Variants in CSMD1 observed in about 807,000 individuals in gnomAD.
CSMD1 encodes the protein CUB and sushi domain-containing protein 1.
A neutral mutation model predicts 417.5 loss-of-function variants in CSMD1; 213 were observed. The observed-to-expected ratio is 0.51, with a 90% CI of 0.46 to 0.57. The LOEUF is 0.57. CSMD1 is among the 20% of genes least tolerant of loss of function. CSMD1 has a pLI of 0.00. For synonymous variants in CSMD1, 2,862 were observed against 1,736.8 expected, an observed-to-expected ratio of 1.65 and a Z score of -16.11; for missense variants, 6,923 against 4,529.7, an observed-to-expected ratio of 1.53 and a Z score of -15.17.
chr8:3,024,370 A>C (rs930944358), intron 51 of CSMD1, among the ~76,000 whole-genome samples: 2 of 151,134 alleles, frequency 1.3e-5, no homozygotes, highest in Non-Finnish European at 2.9e-5. Context: ...CAGTGATGGG[A>C]CCTCAGCTCG....
chr8:4,646,600 G>C (rs1483526033), intron 1 of CSMD1, among the ~76,000 whole-genome samples: 6 of 152,196 alleles, frequency 3.9e-5, no homozygotes, highest in African/African-American at 1.4e-4. Flanking sequence ...TTTCTGTGTA[G>C]ATATATGAGT....
Position 3,557,976 on chromosome 8 carries a change from T to C in CSMD1, c.1344+16969A>G, listed in dbSNP as rs140568537. Among the ~76,000 whole-genome samples, 300 of 152,260 alleles carry C rather than the reference T, an allele frequency of 2.0e-3. 1 individual carries two copies. The highest frequency in any genetic ancestry group is 6.9e-3 in the African/African-American group (286 of 41,558). On this transcript the variant is annotated intron_variant, in intron 10 of 69. Coordinates refer to ENST00000635120, the MANE Select transcript of CSMD1 (RefSeq NM_033225.6). ...GGAATGTGTGCTACTACTCCAATGATGAATGGTGCCTCAGTGGTACCCTGT... is the reference window on the plus strand; with the variant it reads ...GGAATGTGTGCTACTACTCCAATGACGAATGGTGCCTCAGTGGTACCCTGT...
chr8:3,950,597 C>G (rs1811535807), intron 5 of CSMD1, among the ~76,000 whole-genome samples: 1 of 152,172 alleles, frequency 6.6e-6, no homozygotes, highest in South Asian at 2.1e-4. Context: ...AATATGAAAC[C>G]ACCATTAAGT....
chr8:3,262,299 G>A (rs1160386041), intron 26 of CSMD1, among the ~76,000 whole-genome samples: 1 of 144,410 alleles, frequency 6.9e-6, no homozygotes, highest in South Asian at 2.2e-4. Context: ...CAGAAGTCAT[G>A]TATTTCTGAA....
intron 5 of CSMD1, among the ~76,000 whole-genome samples, chr8:3,810,974 T>C (rs568675094): frequency 2.6e-5 from 4 of 152,206 alleles, no homozygotes; most frequent in Admixed American, 1.3e-4. Context: ...TTAATATAAG[T>C]ACAAGTACTT....
intron 26 of CSMD1, among the ~76,000 whole-genome samples, chr8:3,245,294 C>A (rs947949577): frequency 1.3e-5 from 2 of 152,156 alleles, no homozygotes; most frequent in Non-Finnish European, 2.9e-5. Flanking sequence ...ACCTCCAGTT[C>A]CTTCCGGTAC....
chr8:3,277,310 A>C (rs557590219), intron 26 of CSMD1, among the ~76,000 whole-genome samples: 100 of 152,278 alleles, frequency 6.6e-4, no homozygotes, highest in African/African-American at 2.3e-3. Context: ...GGCGTTGCCC[A>C]CGTTGCTGCG....
intron 21 of CSMD1, among the ~76,000 whole-genome samples, chr8:3,353,801 A>G (rs992907086): frequency 1.6e-4 from 24 of 152,382 alleles, no homozygotes; most frequent in African/African-American, 5.0e-4. Context: ...TGTTTTATAA[A>G]AAAGCTACTG....
chr8:4,353,949 A>T (rs1801247669), intron 3 of CSMD1, among the ~76,000 whole-genome samples: 1 of 152,178 alleles, frequency 6.6e-6, no homozygotes, highest in African/African-American at 2.4e-5. Flanking sequence ...AGGGAACTTC[A>T]TCAGCCCTCT....
intron 1 of CSMD1, among the ~76,000 whole-genome samples, chr8:4,950,474 G>C (rs1808667988): frequency 6.6e-6 from 1 of 152,020 alleles, no homozygotes; most frequent in Non-Finnish European, 1.5e-5. Context: ...CTGCAAAATA[G>C]GATAAGAAAT....
At chr8:3,860,206 G>A (rs937926706) in intron 5 of CSMD1, among the ~76,000 whole-genome samples, 1 of 152,086 alleles carries the variant, frequency 6.6e-6, no homozygotes, top group African/African-American at 2.4e-5. Flanking sequence ...ATGAAAGTAG[G>A]AACAGCACCA....
At position 3,091,425 on chromosome 8, in the gene CSMD1, A is replaced by G. The variant is rs572696476; in HGVS notation, c.7285+91T>C. 19 of 924,394 alleles carry G rather than the reference A, an allele frequency of 2.1e-5. 1 individual carries two copies. The African/African-American group carries it at 3.2e-4, about 16-fold the overall frequency. 57.3% of individuals were successfully genotyped at this position (924,394 alleles called of 1,614,324 possible). A position where few individuals can be genotyped will look rare whatever the true frequency, so the allele number is the denominator to read the frequency against. On this transcript the variant is annotated intron_variant, in intron 48 of 69. Coordinates refer to ENST00000635120, the MANE Select transcript of CSMD1 (RefSeq NM_033225.6). Reference sequence around the variant, plus strand: ...TTATTAATCTTTAAGAATTAGGATTATACTATAAATTTCTATTTAAATTGT... The same window carrying G: ...TTATTAATCTTTAAGAATTAGGATTGTACTATAAATTTCTATTTAAATTGT...
intron 30 of CSMD1, among the ~76,000 whole-genome samples, chr8:3,210,697 C>T (rs1026192551): frequency 2.7e-5 from 4 of 148,574 alleles, no homozygotes; most frequent in African/African-American, 7.4e-5. Flanking sequence ...TGTATATACA[C>T]TATATATATA....
rs750152499 is a variant in CSMD1, at chr8:3,308,731, A to AATT, written c.3632-229_3632-228insAAT. On this transcript the variant is annotated intron_variant, in intron 23 of 69. Coordinates refer to ENST00000635120, the MANE Select transcript of CSMD1 (RefSeq NM_033225.6). ...TCTTATTTGTTCCTCCCTACTTACAAGTTTTTTTTTTTTTTTTTTTTTGCT... is the reference window on the plus strand; with the variant it reads ...TCTTATTTGTTCCTCCCTACTTACAAATTGTTTTTTTTTTTTTTTTTTTTTGCT... 1.0e-3 allele frequency among the ~76,000 whole-genome samples: 78 copies of AATT among 75,850 alleles called. 2 individuals carry two copies. Among genetic ancestry groups the AATT allele is most frequent in the Non-Finnish European group, 1.3e-3 (52 of 39,874 alleles). The allele number at this position is 75,850 out of a possible 152,430, so 49.8% of individuals were successfully genotyped here.
At chr8:3,618,164 G>C (rs994797812) in intron 7 of CSMD1, among the ~76,000 whole-genome samples, 1 of 151,772 alleles carries the variant, frequency 6.6e-6, no homozygotes, top group Admixed American at 6.6e-5. Context: ...ACCGTGCCCA[G>C]ATAATTAAAA....
intron 54 of CSMD1, among the ~76,000 whole-genome samples, chr8:2,992,256 G>A (rs1806459229): frequency 6.6e-6 from 1 of 152,110 alleles, no homozygotes; most frequent in African/African-American, 2.4e-5. Context: ...GGGAGGTAGA[G>A]GAGTAGGGAA....
At chr8:3,815,693 G>A (rs1375388469) in intron 5 of CSMD1, among the ~76,000 whole-genome samples, 3 of 150,362 alleles carry the variant, frequency 2.0e-5, no homozygotes, top group African/African-American at 4.9e-5. Context: ...CAATGATGGT[G>A]ACTTTTTCAT....
At chr8:3,561,818 A>C (rs577566734) in intron 10 of CSMD1, among the ~76,000 whole-genome samples, 1 of 152,370 alleles carries the variant, frequency 6.6e-6, no homozygotes, top group East Asian at 1.9e-4. Flanking sequence ...AGTAGTATCT[A>C]TAAAGTTAGT....
At chr8:3,298,923 C>G (rs984961583) in intron 25 of CSMD1, among the ~76,000 whole-genome samples, 6 of 152,138 alleles carry the variant, frequency 3.9e-5, no homozygotes, top group African/African-American at 1.2e-4. Context: ...CTTTTGTGAA[C>G]AAGCCACATG....
Sources: gnomAD v4.1 joint callset for allele counts (sites outside exome capture counted in the v4.1 genomes callset) on GRCh38, gnomAD v4.1.1 for gene constraint, MANE v1.5 for transcripts, NCBI Gene and HGNC (gene_info 2026-07-23, HGNC 2026-07-21) for gene names.